The following FBXO9 variants were observed in gnomAD, a reference collection of about 807,000 sequenced individuals.
FBXO9 encodes the protein F-box protein 9, also known as F-box only protein 9.
A neutral mutation model predicts 63.7 loss-of-function variants in FBXO9; 43 were observed. That is an observed-to-expected ratio of 0.67 (90% CI 0.53 to 0.87). The LOEUF (loss-of-function observed/expected upper bound fraction) is 0.87, where lower values mean the gene tolerates loss of function less well. FBXO9 is among the 40% of genes least tolerant of loss of function. FBXO9 has a pLI of 0.00. For synonymous variants in FBXO9, 156 were observed against 171.7 expected, an observed-to-expected ratio of 0.91 and a Z score of 0.72; for missense variants, 442 against 533.2, an observed-to-expected ratio of 0.83 and a Z score of 1.68.
intron 1 of FBXO9, chr6:53,066,156 C>T (rs959388337): frequency 9.4e-7 from 1 of 1,059,604 alleles, no homozygotes; most frequent in Non-Finnish European, 1.1e-6. Flanking sequence ...TTGAGGTAAG[C>T]TGTCACAGCG....
chr6:53,089,669 C>A (rs1762989915), intron 7 of FBXO9, among the ~76,000 whole-genome samples: 1 of 152,148 alleles, frequency 6.6e-6, no homozygotes, highest in African/African-American at 2.4e-5. Flanking sequence ...AAAGGACTTA[C>A]CAGGAAAGAC....
intron 10 of FBXO9, 136 bp downstream of exon 10, chr6:53,093,697 T>A (rs1763116196): frequency 1.2e-6 from 1 of 865,080 alleles, no homozygotes; most frequent in Middle Eastern, 2.5e-4. Flanking sequence ...TTAGGAAAAA[T>A]ACCAATTTCT....
intron 2 of FBXO9, among the ~76,000 whole-genome samples, chr6:53,072,333 T>C (rs953149300): frequency 6.6e-6 from 1 of 152,186 alleles, no homozygotes; most frequent in African/African-American, 2.4e-5. Context: ...TAGGTGAAGA[T>C]TGCTGTGCAG....
chr6:53,065,339 C>T (rs1562059934), upstream of FBXO9: 3 of 160,274 alleles, frequency 1.9e-5, no homozygotes. Context: ...ACCCTTAGCC[C>T]TCCACTAGGC....
chr6:53,068,778 G>A (rs867428047), intron 1 of FBXO9, among the ~76,000 whole-genome samples: 20 of 150,896 alleles, frequency 1.3e-4, no homozygotes, highest in Middle Eastern at 3.4e-3. Flanking sequence ...TCAGCCTCCC[G>A]AGTAGCTGGG....
Position 53,095,578 on chromosome 6 carries a change from T to C in FBXO9, c.1119T>C (p.Phe373=). The C allele has an allele frequency of 6.8e-6, 11 of 1,613,838 alleles. No homozygotes were observed. The highest frequency in any genetic ancestry group is 9.3e-6 in the Non-Finnish European group (11 of 1,179,828). Residue 373 remains phenylalanine, a synonymous_variant, in exon 12 of 13, where the codon TTT becomes TTC. Coordinates refer to ENST00000323557, the MANE Select transcript of FBXO9 (RefSeq NM_033480.3). The part of the protein sequence containing the change: ...RVPVQEADQS[F]HVGLQLCSSG... ...CTGTACAAGAAGCAGATCAGAGTTTTCATGTGGGGCTACAGCTATGTTCCA... is the reference window on the plus strand; with the variant it reads ...CTGTACAAGAAGCAGATCAGAGTTTCCATGTGGGGCTACAGCTATGTTCCA...
Position 53,082,535 on chromosome 6 carries a change from C to G in FBXO9, c.570C>G (p.Phe190Leu), listed in dbSNP as rs1239679545. 3.7e-6 allele frequency: 6 copies of G among 1,613,704 alleles called. No individual in the cohort carries two copies. Among genetic ancestry groups the G allele is most frequent in the Non-Finnish European group, 5.1e-6 (6 of 1,179,704 alleles). Residue 190 changes from phenylalanine to leucine, a missense_variant, in exon 7 of 13, where the codon TTC becomes TTG. By Grantham distance (22) the Phe-to-Leu change is conservative. Around this residue, in one of 2 missense-constraint regions of FBXO9, gnomAD observed 262 missense variants for 362.1 expected, o/e 0.72. Transcript: ENST00000323557. ...CAATGGAGGTCCTGATGTACATCTT[C>G]CGATGGGTGGTGTCTAGTGACTTGG... ...VLPMEVLMYI[F>L]RWVVSSDLDL...
intron 1 of FBXO9, among the ~76,000 whole-genome samples, chr6:53,067,302 G>A (rs1018276944): frequency 5.3e-5 from 8 of 152,204 alleles, no homozygotes; most frequent in Admixed American, 2.0e-4. Flanking sequence ...ATCAAGCAAT[G>A]TGTTTGACCT....
At chr6:53,065,352 C>G (rs990049355), upstream of FBXO9, 5 of 164,074 alleles carry the variant, frequency 3.0e-5, no homozygotes, top group African/African-American at 1.2e-4. Context: ...CACTAGGCAG[C>G]CCGCGGGGAT....
chr6:53,086,908 T>A (rs1762905513), intron 7 of FBXO9, among the ~76,000 whole-genome samples: 2 of 151,642 alleles, frequency 1.3e-5, no homozygotes, highest in South Asian at 2.1e-4. Flanking sequence ...AGCAAAAAAA[T>A]TAGCTGGGTG....
intron 1 of FBXO9, 101 bp from the exon 2 acceptor site, chr6:53,070,956 A>G (rs1439976777): frequency 4.6e-6 from 7 of 1,515,600 alleles, no homozygotes; most frequent in Non-Finnish European, 6.2e-6. Context: ...AAGTGTTGAC[A>G]GTATGGTACT....
Position 53,082,623 on chromosome 6 carries a change from T to TA in FBXO9, c.653+7dup. On this transcript the variant is annotated splice_donor_region_variant and intron_variant, in intron 7 of 12. Transcript: ENST00000323557. ...AGGATTCTACATCTGTGCCAGGTACTAAGTTTTTGTTTTTGTTTTTTAAAC... is the reference window on the plus strand; with the variant it reads ...AGGATTCTACATCTGTGCCAGGTACTAAAGTTTTTGTTTTTGTTTTTTAAAC... 1 of 1,598,636 alleles carries TA rather than the reference T, an allele frequency of 6.3e-7. No individual in the cohort carries two copies. Among genetic ancestry groups the TA allele is most frequent in the South Asian group, 1.1e-5 (1 of 88,874 alleles).
intron 7 of FBXO9, among the ~76,000 whole-genome samples, chr6:53,083,561 A>C (rs1769380596): frequency 1.3e-5 from 2 of 152,222 alleles, no homozygotes; most frequent in African/African-American, 2.4e-5. Flanking sequence ...TTGACTACAA[A>C]GATCAGTAAC....
intron 5 of FBXO9, among the ~76,000 whole-genome samples, chr6:53,079,496 C>A (rs918667125): frequency 6.6e-6 from 1 of 151,996 alleles, no homozygotes; most frequent in Non-Finnish European, 1.5e-5. Context: ...GTATAGTTGC[C>A]ACTGCATCAA....
rs1763301443 is a variant in FBXO9 at position 53,099,696 on chromosome 6, T to G, written c.*1866T>G. 1 of 152,016 alleles carries G rather than the reference T, an allele frequency of 6.6e-6. No individual in the cohort carries two copies. Among genetic ancestry groups the G allele is most frequent in the Non-Finnish European group, 1.5e-5 (1 of 68,048 alleles). The allele number at this position is 152,016 out of a possible 1,614,324, so 9.4% of individuals were successfully genotyped here. Reference sequence around the variant, plus strand: ...GGCTGAGGCTACAGTGAGCCAAGATTGCACCACTGTGCTCCAGCCTGGGTG... The same window carrying G: ...GGCTGAGGCTACAGTGAGCCAAGATGGCACCACTGTGCTCCAGCCTGGGTG... On this transcript the variant is annotated 3_prime_UTR_variant, in exon 13 of 13. Transcript: ENST00000323557.
rs919433017 is a variant in FBXO9, at chr6:53,065,802, C to T, written c.3+10C>T. 6.6e-6 allele frequency: 9 copies of T among 1,368,756 alleles called. No individual in the cohort carries two copies. The African/African-American group carries it at 1.2e-4, about 18-fold the overall frequency. The allele number at this position is 1,368,756 out of a possible 1,614,324, so 84.8% of individuals were successfully genotyped here. A position where few individuals can be genotyped will look rare whatever the true frequency, so the allele number is the denominator to read the frequency against. ...CCGCCCCGCCAGCATGGTAACCTGG[C>T]CAGGGGGCTCGAGGGTGGACGCCGC... On this transcript the variant is annotated intron_variant, in intron 1 of 12. Transcript: ENST00000323557.
chr6:53,075,509 G>A (rs931367570), intron 3 of FBXO9, among the ~76,000 whole-genome samples: 4 of 149,980 alleles, frequency 2.7e-5, no homozygotes, highest in Non-Finnish European at 3.0e-5. Context: ...GCCTCCCAAA[G>A]TGCTGGGATT....
In FBXO9 at chr6:53,095,520, T is replaced by A. The variant is rs1763185085; in HGVS notation, c.1061T>A (p.Leu354His). ...VITKKKEEKP[L>H]DYKYRYFRRV... is the part of the protein sequence containing the mutation. ...GCATCTTTTCTTTTGCAGAAACCAC[T>A]TGACTATAAATACAGATATTTTCGT... The change falls in exon 12 of 13, where the codon CTT becomes CAT. Residue 354 changes from leucine (L) to histidine (H), a missense_variant. Around this residue, in one of 2 missense-constraint regions of FBXO9, gnomAD observed 262 missense variants for 362.1 expected, o/e 0.72. Coordinates refer to ENST00000323557, the MANE Select transcript of FBXO9 (RefSeq NM_033480.3). 1.2e-5 allele frequency: 19 copies of A among 1,608,902 alleles called. No individual in the cohort carries two copies. The highest frequency in any genetic ancestry group is 1.6e-5 in the Non-Finnish European group (19 of 1,178,192).
At chr6:53,086,440 A>T (rs926863194) in intron 7 of FBXO9, among the ~76,000 whole-genome samples, 1 of 150,666 alleles carries the variant, frequency 6.6e-6, no homozygotes, top group Non-Finnish European at 1.5e-5. Context: ...AAAACAATAA[A>T]TTTTTTTTTT....
Sources: gnomAD v4.1 joint callset for allele counts (sites outside exome capture counted in the v4.1 genomes callset) on GRCh38, gnomAD v4.1.1 for gene constraint, gnomAD v4.1.1 regional missense constraint, MANE v1.5 for transcripts, NCBI Gene and HGNC (gene_info 2026-07-23, HGNC 2026-07-21) for gene names.